Variants in TBC1D21 observed in about 807,000 individuals in gnomAD.
TBC1D21 encodes the protein male germ cell Rab GTPase-activating protein.
In TBC1D21, 38 loss-of-function variants were observed where a neutral mutation model predicts 46.0. The observed-to-expected ratio is 0.83, with a 90% confidence interval of 0.64 to 1.08. The LOEUF is 1.08. TBC1D21 is among the 50% of genes least tolerant of loss of function. TBC1D21 has a pLI of 0.00. For missense variants in TBC1D21, 415 were observed against 417.9 expected (o/e 0.99, Z 0.06); for synonymous variants, 151 against 157.2 (o/e 0.96, Z 0.29).
the TBC1D21 span, among the ~76,000 whole-genome samples, chr15:73,901,974 G>A: frequency 6.6e-6 from 1 of 151,970 alleles, no homozygotes; most frequent in East Asian, 1.9e-4. Context: ...ACCTCACCCA[G>A]CTAATTGTTT....
At chr15:73,893,250 G>C (rs760339062), downstream of TBC1D21, among the ~76,000 whole-genome samples, 2 of 152,172 alleles carry the variant, frequency 1.3e-5, no homozygotes, top group Non-Finnish European at 2.9e-5. Context: ...AATCATGGTG[G>C]AGATGAAAAC....
rs539517539 is a variant in TBC1D21, at chr15:73,876,199, GTTTTTTTTTTTTTTTTT to G, written c.60+2460_60+2476del. Reference sequence around the variant, plus strand: ...GAAGAATCAGTGACTTTTTTTGTGGGTTTTTTTTTTTTTTTTTTTTTTTTTTTTTTTTTTTTTTTTTT... The same window carrying G: ...GAAGAATCAGTGACTTTTTTTGTGGGTTTTTTTTTTTTTTTTTTTTTTTTT... On this transcript the variant is annotated intron_variant, in intron 1 of 10. Coordinates refer to ENST00000300504, the MANE Select transcript of TBC1D21 (RefSeq NM_153356.3). Among the ~76,000 whole-genome samples, 35 of 28,312 alleles carry G rather than the reference GTTTTTTTTTTTTTTTTT, an allele frequency of 1.2e-3. 5 individuals carry two copies. Among genetic ancestry groups the G allele is most frequent in the Admixed American group, 6.0e-4 (1 of 1,656 alleles). The allele number at this position is 28,312 out of a possible 152,430, so 18.6% of individuals were successfully genotyped here. A position where few individuals can be genotyped will look rare whatever the true frequency, so the allele number is the denominator to read the frequency against.
chr15:73,887,722 G>A lies in TBC1D21; in HGVS notation c.880G>A (p.Asp294Asn). 1 of 1,613,600 alleles carries A rather than the reference G, an allele frequency of 6.2e-7. No homozygotes were observed. ...EQVLQESMGGDDILLACNNLI... is the reference protein window; with the variant it reads ...EQVLQESMGGNDILLACNNLI... ...GGTGCTGCAGGAAAGCATGGGCGGGGATGACATCCTCCTGGTGAGAGCACC... is the reference window on the plus strand; with the variant it reads ...GGTGCTGCAGGAAAGCATGGGCGGGAATGACATCCTCCTGGTGAGAGCACC... The change falls in exon 9 of 11, where the codon GAT becomes AAT. Residue 294 changes from aspartate (D) to asparagine (N), a missense_variant. Asp to Asn is a conservative substitution (Grantham distance 23). Transcript: ENST00000300504.
At position 73,889,190 on chromosome 15, in the gene TBC1D21, C is replaced by A; in HGVS notation, c.*89C>A. On this transcript the variant is annotated 3_prime_UTR_variant, in exon 11 of 11. Transcript: ENST00000300504. The stretch of plus-strand genomic sequence containing the variant: ...AGTGAGGGAGTAGATAAAACAGCTG[C>A]AATATAAACAGTCCTCTGGAATAAT... 1 of 1,416,782 alleles carries A rather than the reference C, an allele frequency of 7.1e-7. No homozygotes were observed. The highest frequency in any genetic ancestry group is 9.8e-7 in the Non-Finnish European group (1 of 1,017,828). The allele number at this position is 1,416,782 out of a possible 1,614,324, so 87.8% of individuals were successfully genotyped here. A position where few individuals can be genotyped will look rare whatever the true frequency, so the allele number is the denominator to read the frequency against.
the TBC1D21 span, among the ~76,000 whole-genome samples, chr15:73,905,580 C>T: frequency 6.6e-6 from 1 of 152,220 alleles, no homozygotes; most frequent in Non-Finnish European, 1.5e-5. Context: ...CATTCAGTGA[C>T]ATCATGTTGA....
chr15:73,887,835 AC>A, intron 9 of TBC1D21, 99 bp downstream of exon 9: 2 of 931,770 alleles, frequency 2.1e-6, no homozygotes, highest in Non-Finnish European at 3.3e-6. Context: ...GGTGCTGGGC[AC>A]CAGTGCCACC....
intron 1 of TBC1D21, among the ~76,000 whole-genome samples, chr15:73,879,388 G>GTT: frequency 6.6e-6 from 1 of 150,730 alleles, no homozygotes; most frequent in East Asian, 1.9e-4. Flanking sequence ...TTTGTTTTTT[G>GTT]TTTTTTTTTA....
intron 3 of TBC1D21, among the ~76,000 whole-genome samples, chr15:73,882,824 A>C (rs1567065951): frequency 6.6e-6 from 1 of 152,164 alleles, no homozygotes; most frequent in Non-Finnish European, 1.5e-5. Flanking sequence ...TTTGATGGGA[A>C]TCCTCCCTCC....
chr15:73,891,690 G>C (rs2068337893), downstream of TBC1D21, among the ~76,000 whole-genome samples: 1 of 152,250 alleles, frequency 6.6e-6, no homozygotes, highest in Non-Finnish European at 1.5e-5. Context: ...TGATTTCGGA[G>C]CAAAGCTGTG....
At chr15:73,875,013 G>A (rs975531267) in intron 1 of TBC1D21, among the ~76,000 whole-genome samples, 10 of 152,140 alleles carry the variant, frequency 6.6e-5, no homozygotes, top group Non-Finnish European at 1.2e-4. Context: ...TTGGGAGGCC[G>A]AAGCGGGCAG....
the TBC1D21 span, among the ~76,000 whole-genome samples, chr15:73,909,254 C>G: frequency 6.6e-6 from 1 of 152,064 alleles, no homozygotes; most frequent in Non-Finnish European, 1.5e-5. Flanking sequence ...CACCTGTAGT[C>G]CCAGCTACTC....
rs1348615312 is a variant in TBC1D21 at position 73,887,689 on chromosome 15, C to T, written c.847C>T (p.Arg283Trp). 25 of 1,613,886 alleles carry T rather than the reference C, an allele frequency of 1.5e-5. No individual in the cohort carries two copies. In the Middle Eastern group the frequency reaches 5.0e-4, roughly 32 times the overall value. Reference sequence around the variant, plus strand: ...GGCCTACAGCATGCTGCAGATGGTGCGGGAGCAGGTGCTGCAGGAAAGCAT... The same window carrying T: ...GGCCTACAGCATGCTGCAGATGGTGTGGGAGCAGGTGCTGCAGGAAAGCAT... Reference protein sequence around the residue: ...LVAYSMLQMVREQVLQESMGG... With the variant: ...LVAYSMLQMVWEQVLQESMGG... Residue 283 changes from arginine to tryptophan, a missense_variant, in exon 9 of 11, where the codon CGG (arginine) becomes TGG (tryptophan). By Grantham distance (101) the Arg-to-Trp change is moderately radical (BLOSUM62 -3). Transcript: ENST00000300504.
At chr15:73,888,958 C>G in intron 10 of TBC1D21, 111 bp from the exon 11 acceptor site, 1 of 1,295,954 alleles carries the variant, frequency 7.7e-7, no homozygotes, top group South Asian at 1.3e-5. Flanking sequence ...CTGTGTCCAT[C>G]CCAGTGGGTC....
rs778461557 is a variant in TBC1D21 at position 73,881,763 on chromosome 15, C to G, written c.272+16C>G. On this transcript the variant is annotated intron_variant, in intron 3 of 10. Coordinates refer to ENST00000300504, the MANE Select transcript of TBC1D21 (RefSeq NM_153356.3). The stretch of plus-strand genomic sequence containing the variant: ...GCATGAGGAGGTAGAACACTCCAGA[C>G]CCTGCTGGGACAGGAGGGGGGCCTG... The G allele has an allele frequency of 1.1e-5, 18 of 1,610,588 alleles. No homozygotes were observed. Among genetic ancestry groups the G allele is most frequent in the Non-Finnish European group, 1.5e-5 (18 of 1,177,820 alleles).
chr15:73,879,485 T>A (rs983452038), intron 1 of TBC1D21, among the ~76,000 whole-genome samples: 2 of 152,196 alleles, frequency 1.3e-5, no homozygotes, highest in African/African-American at 4.8e-5. Flanking sequence ...TCCAAAGTGC[T>A]GGGATTACAG....
Position 73,885,059 on chromosome 15 carries a change from G to C in TBC1D21, c.535G>C (p.Asp179His), listed in dbSNP as rs199558247. ...MMLFQLMVEH[D>H]HETFWLFQFF... is the part of the protein sequence containing the mutation. ...GCTCTTCCAGCTGATGGTGGAGCAC[G>C]ACCACGAGACCTTCTGGCTTTTCCA... The change falls in exon 6 of 11, where the codon GAC becomes CAC. Residue 179 changes from aspartate (D) to histidine (H), a missense_variant. Coordinates refer to ENST00000300504, the MANE Select transcript of TBC1D21 (RefSeq NM_153356.3). The C allele has an allele frequency of 1.9e-6, 3 of 1,612,020 alleles. No individual in the cohort carries two copies. Among genetic ancestry groups the C allele is most frequent in the Non-Finnish European group, 2.5e-6 (3 of 1,179,576 alleles).
chr15:73,888,546 C>CTCTTCCTCCTCCTCCTCT, intron 10 of TBC1D21, 33 bp downstream of exon 10: 1 of 1,372,322 alleles, frequency 7.3e-7, no homozygotes, highest in Non-Finnish European at 9.6e-7. Context: ...CCTCCTCCTC[C>CTCTTCCTCCTCCTCCTCT]TCTTCCTCCT....
the TBC1D21 span, among the ~76,000 whole-genome samples, chr15:73,894,313 C>A: frequency 6.6e-6 from 1 of 152,238 alleles, no homozygotes; most frequent in Admixed American, 6.5e-5. Flanking sequence ...CAGGCCACCC[C>A]ACCCTTGGCA....
chr15:73,879,215 T>C (rs964185671), intron 1 of TBC1D21, among the ~76,000 whole-genome samples: 2 of 152,204 alleles, frequency 1.3e-5, no homozygotes, highest in Non-Finnish European at 2.9e-5. Context: ...TATTTATTTA[T>C]CTATTTATTT....
Sources: allele counts gnomAD v4.1 joint callset (sites outside exome capture counted in the v4.1 genomes callset), GRCh38; gene constraint gnomAD v4.1.1; transcripts MANE v1.5; gene names NCBI Gene and HGNC (gene_info 2026-07-23, HGNC 2026-07-21).